Variants in STK3 observed in about 807,000 individuals in gnomAD.
The protein encoded by STK3 is serine/threonine-protein kinase 3.
Under a neutral mutation model 58.0 loss-of-function variants are expected in STK3, and 41 were observed. That is an observed-to-expected ratio of 0.71 (90% confidence interval 0.55 to 0.92). The LOEUF (loss-of-function observed/expected upper bound fraction) is 0.92, where lower values mean the gene tolerates loss of function less well. Among genes scored for constraint, STK3 ranks in the 40% least tolerant of loss-of-function variants. STK3 has a pLI of 0.00. For synonymous variants in STK3, 170 were observed against 191.0 expected (o/e 0.89, Z 0.91); for missense variants, 479 against 602.7 (o/e 0.79, Z 2.15).
intron 10 of STK3, among the ~76,000 whole-genome samples, chr8:98,500,921 A>C (rs1032563249): frequency 6.6e-6 from 1 of 152,204 alleles, no homozygotes; most frequent in African/African-American, 2.4e-5. Flanking sequence ...TTGGGTATAT[A>C]TCCAGTAATG....
At chr8:98,605,025 C>T (rs915226185) in intron 6 of STK3, among the ~76,000 whole-genome samples, 1 of 152,196 alleles carries the variant, frequency 6.6e-6, no homozygotes, top group African/African-American at 2.4e-5. Flanking sequence ...GTAAGTTCCT[C>T]ATCTCCATCC....
At chr8:98,497,706 T>A (rs1823244572) in intron 10 of STK3, among the ~76,000 whole-genome samples, 1 of 152,112 alleles carries the variant, frequency 6.6e-6, no homozygotes, top group Non-Finnish European at 1.5e-5. Flanking sequence ...CTCAACATCA[T>A]CAGCTATTAG....
upstream of STK3, among the ~76,000 whole-genome samples, chr8:98,389,188 C>T (rs2131010274): frequency 6.6e-6 from 1 of 152,336 alleles, no homozygotes; most frequent in East Asian, 1.9e-4. Context: ...TTTCCTTTTA[C>T]CTCCAGCCTG....
chr8:98,767,328 G>C lies in STK3; in HGVS notation c.151C>G (p.Gln51Glu). 1 of 1,610,950 alleles carries C rather than the reference G, an allele frequency of 6.2e-7. No individual in the cohort carries two copies. The highest frequency in any genetic ancestry group is 8.5e-7 in the Non-Finnish European group (1 of 1,179,324). Residue 51 changes from glutamine (Q) to glutamate (E), a missense_variant, in exon 3 of 11, where the codon CAA becomes GAA. Physicochemically the swap from Gln to Glu is conservative, Grantham distance 29. Transcript: ENST00000419617. ...GGTACTTGTTTAATTGCGACAACTT[G>C]ACCGGATTCCTTGTGTATTGCTTTA... The part of the protein sequence containing the change: ...VFKAIHKESG[Q>E]VVAIKQVPVE...
At chr8:98,934,386 T>G (rs551990223) in intron 1 of STK3, among the ~76,000 whole-genome samples, 1 of 152,186 alleles carries the variant, frequency 6.6e-6, no homozygotes, top group Non-Finnish European at 1.5e-5. Context: ...GAAACCTCTC[T>G]TTTCCAAGTC....
chr8:98,893,478 GAA>G (rs1564087186), intron 1 of STK3, among the ~76,000 whole-genome samples: 2,135 of 63,716 alleles, frequency 0.034, 15 homozygotes, highest in Middle Eastern at 0.037. Context: ...AAGAAAGAAA[GAA>G]AGAAAGAGAA....
intron 6 of STK3, among the ~76,000 whole-genome samples, chr8:98,697,274 G>T (rs1435109036): frequency 6.6e-6 from 1 of 152,072 alleles, no homozygotes; most frequent in South Asian, 2.1e-4. Flanking sequence ...CTTGCTAGCG[G>T]TCTATCAATT....
At chr8:98,500,427 T>C (rs1461654702) in intron 10 of STK3, among the ~76,000 whole-genome samples, 2 of 152,164 alleles carry the variant, frequency 1.3e-5, no homozygotes, top group African/African-American at 2.4e-5. Flanking sequence ...GTTTGTTACA[T>C]AGGTATACAT....
At chr8:98,652,928 C>T (rs910626606) in intron 6 of STK3, among the ~76,000 whole-genome samples, 1 of 152,160 alleles carries the variant, frequency 6.6e-6, no homozygotes, top group Non-Finnish European at 1.5e-5. Context: ...ATCAACCAGA[C>T]AGAAAGTTAA....
At chr8:98,405,549 G>T (rs536201774) in intron 3 of STK3, among the ~76,000 whole-genome samples, 1 of 152,116 alleles carries the variant, frequency 6.6e-6, no homozygotes, top group Non-Finnish European at 1.5e-5. Flanking sequence ...GATGCCCTCC[G>T]TCATGGCCTA....
At chr8:98,654,144 T>C (rs146097858) in intron 6 of STK3, among the ~76,000 whole-genome samples, 2,030 of 152,244 alleles carry the variant, frequency 0.013, 45 homozygotes, top group African/African-American at 0.045. Flanking sequence ...CATGATCAAG[T>C]TGGATTCATC....
intron 4 of STK3, among the ~76,000 whole-genome samples, chr8:98,747,845 CT>C (rs1245037632): frequency 6.6e-6 from 1 of 152,136 alleles, no homozygotes; most frequent in Non-Finnish European, 1.5e-5. Context: ...AGCGTAACAA[CT>C]ATGTTATTCC....
At chr8:98,705,967 A>C (rs1486141074) in intron 6 of STK3, among the ~76,000 whole-genome samples, 2 of 152,200 alleles carry the variant, frequency 1.3e-5, no homozygotes, top group Non-Finnish European at 2.9e-5. Flanking sequence ...TTCATTAAAA[A>C]AAATTAGCCG....
At chr8:98,825,809 C>T (rs1449216734), upstream of STK3, 1 of 73,018 alleles carries the variant, frequency 1.4e-5, no homozygotes, top group Admixed American at 1.2e-4. Flanking sequence ...CCCCGCCCCG[C>T]CCCCGGCCGC....
intron 6 of STK3, among the ~76,000 whole-genome samples, chr8:98,699,845 A>C (rs4735572): frequency 6.7e-6 from 1 of 150,186 alleles, no homozygotes; most frequent in Admixed American, 6.7e-5. Context: ...CAGTCTGCCC[A>C]TTCTCAGATC....
intron 1 of STK3, among the ~76,000 whole-genome samples, chr8:98,444,328 G>A (rs1019067124): frequency 2.0e-5 from 3 of 152,200 alleles, no homozygotes; most frequent in Non-Finnish European, 2.9e-5. Flanking sequence ...TGAGGAGAGG[G>A]AGGTGGGGCC....
At chr8:98,632,634 A>G (rs1330278904) in intron 6 of STK3, among the ~76,000 whole-genome samples, 1 of 152,266 alleles carries the variant, frequency 6.6e-6, no homozygotes, top group East Asian at 1.9e-4. Context: ...TTAACATTTT[A>G]GATGTTAACC....
intron 1 of STK3, among the ~76,000 whole-genome samples, chr8:98,923,907 A>G (rs925874662): frequency 1.3e-5 from 2 of 151,174 alleles, no homozygotes; most frequent in African/African-American, 4.9e-5. Flanking sequence ...ATTTGGAACC[A>G]TATCAATAGT....
chr8:98,507,087 C>G (rs567725350), intron 10 of STK3, among the ~76,000 whole-genome samples: 2 of 152,302 alleles, frequency 1.3e-5, no homozygotes, highest in East Asian at 3.9e-4. Context: ...GAAATGAATA[C>G]AGACCCCTTT....
Sources: gnomAD v4.1 joint callset for allele counts (sites outside exome capture counted in the v4.1 genomes callset) on GRCh38, gnomAD v4.1.1 for gene constraint, MANE v1.5 for transcripts, NCBI Gene and HGNC (gene_info 2026-07-23, HGNC 2026-07-21) for gene names.